Variants in CAB39 observed in about 807,000 individuals in gnomAD.
CAB39 encodes calcium-binding protein 39.
CAB39 carries 8 observed loss-of-function variants against 40.0 expected under a neutral mutation model. That is an observed-to-expected ratio of 0.20 (90% CI 0.12 to 0.36). CAB39 has a LOEUF of 0.36. CAB39 is among the 10% of genes least tolerant of loss of function. CAB39 has a pLI of 1.00. For missense variants in CAB39, 270 were observed against 401.1 expected (o/e 0.67, Z 2.79); for synonymous variants, 156 against 141.6 (o/e 1.10, Z -0.72).
chr2:230,716,347 A>G (rs181568346), intron 1 of CAB39, among the ~76,000 whole-genome samples: 1 of 152,276 alleles, frequency 6.6e-6, no homozygotes, highest in East Asian at 1.9e-4. Context: ...GTGGGATTAC[A>G]GATTTCTTTA....
chr2:230,742,748 T>C (rs1381792263), intron 1 of CAB39, among the ~76,000 whole-genome samples: 1 of 152,000 alleles, frequency 6.6e-6, no homozygotes, highest in Admixed American at 6.5e-5. Flanking sequence ...CAAATTAAAA[T>C]AATTGATCAG....
chr2:230,758,937 C>A (rs1320287647), intron 1 of CAB39, among the ~76,000 whole-genome samples: 2 of 152,114 alleles, frequency 1.3e-5, no homozygotes. Context: ...CAAGTCACTT[C>A]CATTGTTTGT....
chr2:230,749,213 T>A (rs1695042662), intron 1 of CAB39, among the ~76,000 whole-genome samples: 1 of 152,046 alleles, frequency 6.6e-6, no homozygotes, highest in African/African-American at 2.4e-5. Flanking sequence ...TGCATTGTAA[T>A]CATTATTTTT....
intron 1 of CAB39, among the ~76,000 whole-genome samples, chr2:230,736,203 AC>A (rs1483711476): frequency 6.6e-6 from 1 of 152,212 alleles, no homozygotes; most frequent in Non-Finnish European, 1.5e-5. Context: ...TAACATTGTT[AC>A]CTATTTCTAC....
At chr2:230,749,549 T>A (rs1465782778) in intron 1 of CAB39, among the ~76,000 whole-genome samples, 1 of 152,218 alleles carries the variant, frequency 6.6e-6, no homozygotes. Flanking sequence ...TCTTAGCAAA[T>A]CGCTCTGCAT....
At position 230,817,835 on chromosome 2, in the gene CAB39, A is replaced by T; in HGVS notation, c.775A>T (p.Met259Leu). The T allele has an allele frequency of 6.2e-7, 1 of 1,613,208 alleles. No homozygotes were observed. The highest frequency in any genetic ancestry group is 8.5e-7 in the Non-Finnish European group (1 of 1,179,592). ...YISKPENLKL[M>L]MNLLRDKSRN... ...CAGTAAACCTGAGAACCTCAAATTA[A>T]TGATGAACCTGCTGCGAGACAAAAG... is the stretch of plus-strand genomic sequence containing the variant. Residue 259 changes from methionine (M) to leucine (L), a missense_variant, in exon 8 of 9, where the codon ATG (methionine) becomes TTG (leucine). Met to Leu is a conservative substitution (Grantham distance 15). Coordinates refer to ENST00000258418, the MANE Select transcript of CAB39 (RefSeq NM_016289.4).
At chr2:230,796,622 T>G (rs1189700128) in intron 4 of CAB39, among the ~76,000 whole-genome samples, 1 of 152,116 alleles carries the variant, frequency 6.6e-6, no homozygotes, top group African/African-American at 2.4e-5. Flanking sequence ...TCTAGCTGCA[T>G]GCCTCCACTG....
At chr2:230,805,767 A>T (rs550049465) in intron 5 of CAB39, among the ~76,000 whole-genome samples, 1 of 152,370 alleles carries the variant, frequency 6.6e-6, no homozygotes, top group East Asian at 1.9e-4. Flanking sequence ...ATGGAGTTTC[A>T]GTATAGTAAT....
chr2:230,791,396 T>G (rs893926364), intron 3 of CAB39, among the ~76,000 whole-genome samples: 2 of 152,238 alleles, frequency 1.3e-5, no homozygotes, highest in African/African-American at 4.8e-5. Context: ...TAAAGACAGC[T>G]ATAGAATGTT....
chr2:230,783,997 G>A (rs1441592611), intron 2 of CAB39, among the ~76,000 whole-genome samples: 2 of 152,276 alleles, frequency 1.3e-5, no homozygotes, highest in South Asian at 4.1e-4. Context: ...ATAATTCTAG[G>A]TGTGATGTGG....
intron 2 of CAB39, among the ~76,000 whole-genome samples, chr2:230,789,761 C>T (rs1337138921): frequency 3.3e-5 from 5 of 152,230 alleles, no homozygotes; most frequent in Non-Finnish European, 7.3e-5. Context: ...CTCTAGTCTT[C>T]TTGGCCTCCC....
intron 1 of CAB39, among the ~76,000 whole-genome samples, chr2:230,716,464 A>C (rs1197672244): frequency 6.6e-6 from 1 of 152,224 alleles, no homozygotes; most frequent in Non-Finnish European, 1.5e-5. Flanking sequence ...CCCAACCCCC[A>C]AAAATAAAAT....
intron 1 of CAB39, among the ~76,000 whole-genome samples, chr2:230,758,336 C>G (rs1224325983): frequency 2.0e-5 from 3 of 150,476 alleles, no homozygotes; most frequent in Admixed American, 2.0e-4. Context: ...TATTTAAGAA[C>G]CTATGACAAA....
chr2:230,742,385 C>T (rs1694894836), intron 1 of CAB39, among the ~76,000 whole-genome samples: 1 of 152,048 alleles, frequency 6.6e-6, no homozygotes, highest in African/African-American at 2.4e-5. Flanking sequence ...CCGTGTTAGC[C>T]AGGATGGTCT....
At chr2:230,727,363 C>CATGTGT (rs3221429) in intron 1 of CAB39, among the ~76,000 whole-genome samples, 4 of 126,948 alleles carry the variant, frequency 3.2e-5, no homozygotes, top group African/African-American at 9.6e-5. Context: ...GATTGTTAAC[C>CATGTGT]GTGTGTGTGT....
At chr2:230,761,232 T>A (rs1695284837) in intron 2 of CAB39, among the ~76,000 whole-genome samples, 4 of 152,198 alleles carry the variant, frequency 2.6e-5, no homozygotes, top group Admixed American at 2.6e-4. Context: ...TTGTGTACAT[T>A]GAAGTATCAA....
intron 1 of CAB39, among the ~76,000 whole-genome samples, chr2:230,757,737 G>T (rs1240296850): frequency 6.6e-6 from 1 of 152,124 alleles, no homozygotes; most frequent in Non-Finnish European, 1.5e-5. Flanking sequence ...GTTACAGATA[G>T]GAAAGATAAT....
chr2:230,745,608 A>AT (rs1289196258), intron 1 of CAB39, among the ~76,000 whole-genome samples: 2 of 151,976 alleles, frequency 1.3e-5, no homozygotes, highest in Non-Finnish European at 2.9e-5. Flanking sequence ...GCTTTTTAAA[A>AT]TTTTTTTCTT....
Position 230,782,080 on chromosome 2 carries a change from GGTCTCGAACTCCT to G in CAB39, c.115-8790_115-8778del, listed in dbSNP as rs1695696243. Reference sequence around the variant, plus strand: ...GGGGTTTCACCAAGTTGGCCAGGTTGGTCTCGAACTCCTGACCTCAGGTGGTCCGCCCGGCTCG... The same window carrying G: ...GGGGTTTCACCAAGTTGGCCAGGTTGGACCTCAGGTGGTCCGCCCGGCTCG... On this transcript the variant is annotated intron_variant, in intron 2 of 8. Transcript: ENST00000258418. 2.0e-5 allele frequency among the ~76,000 whole-genome samples: 3 copies of G among 152,224 alleles called. No homozygotes were observed. In the South Asian group the frequency reaches 6.2e-4, roughly 32 times the overall value.
Sources: gnomAD v4.1 joint callset for allele counts (sites outside exome capture counted in the v4.1 genomes callset) on GRCh38, gnomAD v4.1.1 for gene constraint, MANE v1.5 for transcripts, NCBI Gene and HGNC (gene_info 2026-07-23, HGNC 2026-07-21) for gene names.